The following IQCM variants were observed in gnomAD, a reference collection of about 807,000 sequenced individuals.
The protein encoded by IQCM is IQ domain-containing protein M.
A neutral mutation model predicts 57.6 loss-of-function variants in IQCM; 45 were observed. That is an observed-to-expected ratio of 0.78 (90% CI 0.62 to 1.00). IQCM has a LOEUF of 1.00. Among genes scored for constraint, IQCM ranks in the 50% least tolerant of loss-of-function variants. The pLI is 0.00. For missense variants in IQCM, 468 were observed against 511.6 expected (o/e 0.91, Z 0.82); for synonymous variants, 148 against 158.9 (o/e 0.93, Z 0.51).
intron 9 of IQCM, among the ~76,000 whole-genome samples, chr4:149,583,535 T>C (rs533018002): frequency 6.6e-6 from 1 of 151,664 alleles, no homozygotes; most frequent in South Asian, 2.1e-4. Flanking sequence ...GGAAAATTTA[T>C]CACTGAGGTC....
At chr4:149,357,813 A>G (rs1334754069) in intron 13 of IQCM, among the ~76,000 whole-genome samples, 3 of 152,178 alleles carry the variant, frequency 2.0e-5, no homozygotes. Flanking sequence ...TAGTTTCAGA[A>G]GGAATGGTAC....
At chr4:149,502,445 A>C (rs1038832457) in intron 12 of IQCM, among the ~76,000 whole-genome samples, 3 of 152,122 alleles carry the variant, frequency 2.0e-5, no homozygotes, top group African/African-American at 7.2e-5. Flanking sequence ...AGGTGAGAGG[A>C]TGGCTTGAGC....
chr4:149,357,632 C>T (rs1242403030), intron 13 of IQCM, among the ~76,000 whole-genome samples: 1 of 152,166 alleles, frequency 6.6e-6, no homozygotes, highest in Non-Finnish European at 1.5e-5. Flanking sequence ...TGATGCGTTG[C>T]TGGATACGTT....
chr4:149,781,127 A>C (rs1425689771), intron 2 of IQCM, among the ~76,000 whole-genome samples: 1 of 152,132 alleles, frequency 6.6e-6, no homozygotes, highest in African/African-American at 2.4e-5. Flanking sequence ...TATTTCAAGA[A>C]AAGAAGAAGC....
chr4:149,657,173 C>T (rs151262857), intron 7 of IQCM, among the ~76,000 whole-genome samples: 36 of 152,246 alleles, frequency 2.4e-4, no homozygotes, highest in South Asian at 4.1e-4. Context: ...CTCCACCTCC[C>T]GCCTACCCAA....
At chr4:149,563,665 C>T (rs1750345738) in intron 10 of IQCM, 27 bp downstream of exon 10, 2 of 1,213,038 alleles carry the variant, frequency 1.6e-6, no homozygotes, top group Admixed American at 4.2e-5. Context: ...ATTTTAAACA[C>T]ATTATAATAT....
intron 5 of IQCM, among the ~76,000 whole-genome samples, chr4:149,718,877 C>T (rs1441235549): frequency 6.6e-6 from 1 of 152,184 alleles, no homozygotes; most frequent in African/African-American, 2.4e-5. Context: ...CCTAGATAAT[C>T]CAAGATAGTC....
intron 12 of IQCM, among the ~76,000 whole-genome samples, chr4:149,520,627 GT>G (rs997846104): frequency 6.6e-6 from 1 of 152,162 alleles, no homozygotes. Context: ...TATACCAGGT[GT>G]TTTTTTCCTT....
chr4:149,615,983 C>G (rs534757561), intron 8 of IQCM, among the ~76,000 whole-genome samples: 1 of 152,060 alleles, frequency 6.6e-6, no homozygotes, highest in Non-Finnish European at 1.5e-5. Flanking sequence ...AAACTAGAAC[C>G]CTTGTGCATT....
intron 6 of IQCM, among the ~76,000 whole-genome samples, chr4:149,686,139 C>T (rs1276944845): frequency 6.6e-6 from 1 of 151,490 alleles, no homozygotes; most frequent in Non-Finnish European, 1.5e-5. Flanking sequence ...AGCTTATGCA[C>T]TGTAAAACCC....
At chr4:149,519,170 A>G (rs1745320919) in intron 12 of IQCM, among the ~76,000 whole-genome samples, 2 of 152,208 alleles carry the variant, frequency 1.3e-5, no homozygotes, top group Admixed American at 6.5e-5. Context: ...TTGATGTTAT[A>G]TACAATATAC....
At chr4:149,768,439 A>C (rs538103130) in intron 2 of IQCM, among the ~76,000 whole-genome samples, 1 of 152,262 alleles carries the variant, frequency 6.6e-6, no homozygotes, top group Non-Finnish European at 1.5e-5. Context: ...TTCATAGATA[A>C]CCAACAGTTA....
chr4:149,541,829 G>A (rs1003912147), intron 12 of IQCM, among the ~76,000 whole-genome samples: 8 of 151,994 alleles, frequency 5.3e-5, no homozygotes, highest in South Asian at 2.1e-4. Flanking sequence ...ACTTGGTGTC[G>A]TACACTAAAG....
chr4:149,570,622 T>C (rs529300921), intron 9 of IQCM, among the ~76,000 whole-genome samples: 14 of 152,174 alleles, frequency 9.2e-5, no homozygotes, highest in Admixed American at 7.9e-4. Context: ...CATAAAATCA[T>C]TATGAAAGAA....
intron 8 of IQCM, among the ~76,000 whole-genome samples, chr4:149,606,927 G>C (rs1754836430): frequency 6.6e-6 from 1 of 151,916 alleles, no homozygotes; most frequent in South Asian, 2.1e-4. Context: ...AGTCTCAAAG[G>C]GGCAAATCTT....
intron 12 of IQCM, among the ~76,000 whole-genome samples, chr4:149,500,852 T>C (rs1743167938): frequency 6.6e-6 from 1 of 152,150 alleles, no homozygotes; most frequent in African/African-American, 2.4e-5. Context: ...CGTTAAAATA[T>C]TCAGCAAAAT....
chr4:149,604,213 G>A (rs889610618), intron 8 of IQCM, among the ~76,000 whole-genome samples: 12 of 152,118 alleles, frequency 7.9e-5, no homozygotes, highest in African/African-American at 2.9e-4. Context: ...TGGTTTGATT[G>A]TGAATCCACT....
chr4:149,618,167 T>C (rs1469369924), intron 8 of IQCM, among the ~76,000 whole-genome samples: 1 of 152,076 alleles, frequency 6.6e-6, no homozygotes. Context: ...CATACATCAA[T>C]GGAAGAATAA....
chr4:149,554,989 G>C (rs1749442019), intron 10 of IQCM, among the ~76,000 whole-genome samples: 1 of 152,164 alleles, frequency 6.6e-6, no homozygotes, highest in East Asian at 1.9e-4. Context: ...GTGAGCCACT[G>C]CACCCGGCCC....
Sources: gnomAD v4.1 joint callset for allele counts (sites outside exome capture counted in the v4.1 genomes callset) on GRCh38, gnomAD v4.1.1 for gene constraint, MANE v1.5 for transcripts, NCBI Gene and HGNC (gene_info 2026-07-23, HGNC 2026-07-21) for gene names.